Variants in GRIK4 observed in about 807,000 individuals in gnomAD.
GRIK4 encodes glutamate ionotropic receptor kainate type subunit 4, also known as glutamate receptor ionotropic, kainate 4.
In GRIK4, 40 loss-of-function variants were observed where a neutral mutation model predicts 104.9. The observed-to-expected ratio is 0.38, with a 90% CI of 0.30 to 0.50. GRIK4 has a LOEUF of 0.50. GRIK4 is among the 20% of genes least tolerant of loss of function. GRIK4 has a pLI of 0.93. For synonymous variants in GRIK4, 485 were observed against 524.9 expected (o/e 0.92, Z 1.04); for missense variants, 1,047 against 1,308.1 (o/e 0.80, Z 3.08).
At chr11:120,685,862 G>A (rs527709922) in intron 3 of GRIK4, among the ~76,000 whole-genome samples, 165 of 152,090 alleles carry the variant, frequency 1.1e-3, no homozygotes, top group African/African-American at 3.8e-3. Flanking sequence ...TAAGCCCTTT[G>A]TGCCTCCCTC....
chr11:120,856,438 G>A (rs1954107306), intron 8 of GRIK4, among the ~76,000 whole-genome samples: 2 of 152,184 alleles, frequency 1.3e-5, no homozygotes, highest in African/African-American at 4.8e-5. Flanking sequence ...CCATTAAATA[G>A]CAGCTATTGC....
At position 120,960,969 on chromosome 11, in the gene GRIK4, C is replaced by T. The variant is rs764485323; in HGVS notation, c.1935C>T (p.Thr645=). The T allele has an allele frequency of 4.4e-5, 71 of 1,613,972 alleles. 1 individual carries two copies. In the South Asian group the frequency reaches 5.9e-4, roughly 13 times the overall value. The change falls in exon 17 of 21, where the codon ACC becomes ACT. Residue 645 remains threonine, a synonymous_variant. Coordinates refer to ENST00000527524, the MANE Select transcript of GRIK4 (RefSeq NM_014619.5). ...CGGCCAACCTGGCAGCCTTCCTGACCGTGCAGCGCATGGATGTGCCCATTG... is the reference window on the plus strand; with the variant it reads ...CGGCCAACCTGGCAGCCTTCCTGACTGTGCAGCGCATGGATGTGCCCATTG... The part of the protein sequence containing the change: ...SYTANLAAFL[T]VQRMDVPIES...
At chr11:120,666,795 T>C (rs1949922487) in intron 3 of GRIK4, among the ~76,000 whole-genome samples, 1 of 152,170 alleles carries the variant, frequency 6.6e-6, no homozygotes, top group Non-Finnish European at 1.5e-5. Flanking sequence ...AGTATTGGAT[T>C]CAACAGGGAT....
intron 13 of GRIK4, among the ~76,000 whole-genome samples, chr11:120,913,664 G>A (rs556291284): frequency 1.3e-5 from 2 of 151,818 alleles, no homozygotes; most frequent in East Asian, 2.0e-4. Flanking sequence ...CATAAGCCTT[G>A]GACATCAAAT....
chr11:120,579,359 G>A (rs1042767218), intron 1 of GRIK4, among the ~76,000 whole-genome samples: 3 of 152,304 alleles, frequency 2.0e-5, no homozygotes, highest in Middle Eastern at 3.4e-3. Flanking sequence ...AGAGTTCAGG[G>A]CAGAGCCTTC....
At chr11:120,862,175 T>A in intron 9 of GRIK4, 55 bp downstream of exon 9, 2 of 1,486,654 alleles carry the variant, frequency 1.3e-6, no homozygotes, top group Non-Finnish European at 1.8e-6. Flanking sequence ...ACATTGCCCC[T>A]CTGTGGGCCA....
intron 1 of GRIK4, chr11:120,515,149 C>T: frequency 2.4e-6 from 1 of 424,780 alleles, no homozygotes; most frequent in Non-Finnish European, 4.7e-6. Context: ...CCAGCCCTGG[C>T]ACTGTGTGTC....
intron 3 of GRIK4, among the ~76,000 whole-genome samples, chr11:120,740,502 T>C (rs1211472803): frequency 6.6e-6 from 1 of 152,206 alleles, no homozygotes; most frequent in South Asian, 2.1e-4. Flanking sequence ...GCTGGGACTC[T>C]GAGCATCATG....
chr11:120,877,689 A>G (rs962139516), intron 11 of GRIK4, among the ~76,000 whole-genome samples: 9 of 152,180 alleles, frequency 5.9e-5, no homozygotes, highest in Non-Finnish European at 1.3e-4. Context: ...GCAAACAAAT[A>G]TATATGTGAC....
At chr11:120,525,653 G>A (rs1947847555) in intron 1 of GRIK4, among the ~76,000 whole-genome samples, 1 of 152,212 alleles carries the variant, frequency 6.6e-6, no homozygotes, top group Admixed American at 6.5e-5. Flanking sequence ...TCTAGGCTGG[G>A]GATGGGGGCA....
rs7943655 is a variant in GRIK4 at position 120,637,287 on chromosome 11, C to G, written c.-158-16398C>G. On this transcript the variant is annotated intron_variant, in intron 1 of 20. Coordinates refer to ENST00000527524, the MANE Select transcript of GRIK4 (RefSeq NM_014619.5). ...GTATTGTTTGTACCAGCAAGCGACACAGTGGAAGCAGGAACATGAGCCTGT... is the reference window on the plus strand; with the variant it reads ...GTATTGTTTGTACCAGCAAGCGACAGAGTGGAAGCAGGAACATGAGCCTGT... 6.0e-3 allele frequency among the ~76,000 whole-genome samples: 917 copies of G among 152,150 alleles called. 12 individuals carry two copies. Among genetic ancestry groups the G allele is most frequent in the African/African-American group, 0.021 (873 of 41,490 alleles).
In GRIK4 at chr11:120,653,666, G is replaced by A. The variant is rs527530212; in HGVS notation, c.-158-19G>A. 6.6e-6 allele frequency: 1 copy of A among 152,208 alleles called. No homozygotes were observed. Among genetic ancestry groups the A allele is most frequent in the Non-Finnish European group, 1.5e-5 (1 of 68,050 alleles). 9.4% of individuals were successfully genotyped at this position (152,208 alleles called of 1,614,324 possible). On this transcript the variant is annotated intron_variant, in intron 1 of 20. Transcript: ENST00000527524. ...TGTTTCCACATATGTTCTCTGATTG[G>A]ACTCTTTTTTTATTCCAGCAGATAC...
intron 9 of GRIK4, chr11:120,873,824 A>G: frequency 2.3e-6 from 1 of 437,430 alleles, no homozygotes; most frequent in East Asian, 3.7e-5. Flanking sequence ...GGCCAGCACA[A>G]GGCTTCAATC....
rs544662255 is a variant in GRIK4 at position 120,947,538 on chromosome 11, T to C, written c.1591-5317T>C. Among the ~76,000 whole-genome samples, 283 of 152,314 alleles carry C rather than the reference T, an allele frequency of 1.9e-3. 1 individual carries two copies. Among genetic ancestry groups the C allele is most frequent in the Admixed American group, 3.2e-3 (49 of 15,298 alleles). Reference sequence around the variant, plus strand: ...TGTCTAGGAAAATGGAGAACAATGCTAAGTAAACCAGTGAATCATTTCTAA... The same window carrying C: ...TGTCTAGGAAAATGGAGAACAATGCCAAGTAAACCAGTGAATCATTTCTAA... On this transcript the variant is annotated intron_variant, in intron 14 of 20. Transcript: ENST00000527524.
At chr11:120,642,102 C>T (rs1949478115) in intron 1 of GRIK4, among the ~76,000 whole-genome samples, 1 of 152,198 alleles carries the variant, frequency 6.6e-6, no homozygotes, top group Non-Finnish European at 1.5e-5. Flanking sequence ...TCCCAACACA[C>T]ATTATCTGTC....
At chr11:120,696,468 A>G (rs1029915833) in intron 3 of GRIK4, among the ~76,000 whole-genome samples, 6 of 118,042 alleles carry the variant, frequency 5.1e-5, no homozygotes, top group Admixed American at 1.1e-4. Flanking sequence ...ATGGTTCTAG[A>G]TAGAGGTGTC....
intron 3 of GRIK4, among the ~76,000 whole-genome samples, chr11:120,783,441 T>A (rs1209396060): frequency 6.6e-6 from 1 of 152,106 alleles, no homozygotes; most frequent in Non-Finnish European, 1.5e-5. Context: ...GCCTTCCCTG[T>A]TCCCTTCCCT....
chr11:120,886,199 G>T (rs11218044), intron 11 of GRIK4, among the ~76,000 whole-genome samples: 1 of 152,072 alleles, frequency 6.6e-6, no homozygotes, highest in South Asian at 2.1e-4. Flanking sequence ...TGATGTGCAC[G>T]TTCCCAGCTG....
At chr11:120,964,301 T>G (rs1591339830) in intron 18 of GRIK4, among the ~76,000 whole-genome samples, 1 of 152,212 alleles carries the variant, frequency 6.6e-6, no homozygotes, top group East Asian at 1.9e-4. Flanking sequence ...CAAAAGCAAA[T>G]GACTTAAATT....
Sources: allele counts gnomAD v4.1 joint callset (sites outside exome capture counted in the v4.1 genomes callset), GRCh38; gene constraint gnomAD v4.1.1; transcripts MANE v1.5; gene names NCBI Gene and HGNC (gene_info 2026-07-23, HGNC 2026-07-21).